Variants in FRAS1 observed in about 807,000 individuals in gnomAD.
FRAS1 encodes the protein extracellular matrix organizing protein FRAS1.
In FRAS1, 290 loss-of-function variants were observed where a neutral mutation model predicts 435.2. The ratio of observed to expected loss-of-function variants is 0.67; its 90% CI spans 0.61 to 0.73. FRAS1 has a LOEUF of 0.73. Ranked by LOEUF, FRAS1 falls within the 30% of genes least tolerant of loss-of-function variation. The pLI is 0.00. For synonymous variants in FRAS1, 1,800 were observed against 1,851.0 expected (o/e 0.97, Z 0.71); for missense variants, 4,860 against 5,001.5 (o/e 0.97, Z 0.85).
intron 4 of FRAS1, among the ~76,000 whole-genome samples, chr4:78,249,321 G>GC: frequency 8.9e-6 from 1 of 112,452 alleles, no homozygotes; most frequent in South Asian, 3.4e-4. Context: ...AAGCAGTGGA[G>GC]CCTTTTTTTT....
intron 35 of FRAS1, among the ~76,000 whole-genome samples, chr4:78,426,975 C>G (rs1251373991): frequency 6.6e-6 from 1 of 152,178 alleles, no homozygotes; most frequent in East Asian, 1.9e-4. Context: ...TACCTTTTCC[C>G]TCCTCCTGTA....
chr4:78,519,261 G>A (rs1721310646), intron 66 of FRAS1, 70 bp from the exon 67 acceptor site: 4 of 1,349,796 alleles, frequency 3.0e-6, no homozygotes, highest in African/African-American at 1.5e-5. Flanking sequence ...ATGGAACCAA[G>A]ATGTGGTGAT....
intron 29 of FRAS1, among the ~76,000 whole-genome samples, chr4:78,396,097 T>G (rs183258597): frequency 1.3e-5 from 2 of 152,236 alleles, no homozygotes; most frequent in East Asian, 3.9e-4. Flanking sequence ...GATGACTAAC[T>G]TATCTCCAAT....
rs74692282 is a variant in FRAS1, at chr4:78,530,440, C to T, written c.10925+3783C>T. ...ACTCCCCCAGGCTTAACCTTGGATC[C>T]CCTATATAGCTCCATGTGGATGCGA... On this transcript the variant is annotated intron_variant, in intron 70 of 73. Coordinates refer to ENST00000512123, the MANE Select transcript of FRAS1 (RefSeq NM_025074.7). Among the ~76,000 whole-genome samples the T allele has an allele frequency of 4.4e-3, 664 of 152,116 alleles. 6 individuals are homozygous for T. Among genetic ancestry groups the T allele is most frequent in the African/African-American group, 0.015 (620 of 41,488 alleles).
chr4:78,337,217 A>G (rs370874968), intron 19 of FRAS1, among the ~76,000 whole-genome samples: 8 of 152,284 alleles, frequency 5.3e-5, no homozygotes, highest in African/African-American at 1.9e-4. Context: ...GAGAAGTTGC[A>G]GTATAGTTTG....
At chr4:78,529,600 T>C (rs1721650597) in intron 70 of FRAS1, among the ~76,000 whole-genome samples, 1 of 152,108 alleles carries the variant, frequency 6.6e-6, no homozygotes, top group Non-Finnish European at 1.5e-5. Flanking sequence ...TAGACAGTAG[T>C]CCCCCCTTAT....
At chr4:78,384,538 C>T (rs985008102) in intron 28 of FRAS1, among the ~76,000 whole-genome samples, 6 of 152,100 alleles carry the variant, frequency 3.9e-5, no homozygotes, top group African/African-American at 1.4e-4. Context: ...GCTACAGAGG[C>T]GGTGTTCTTA....
rs562285170 is a variant in FRAS1, at chr4:78,540,932, T to C, written c.11847T>C (p.Asn3949=). 6.2e-7 allele frequency: 1 copy of C among 1,613,978 alleles called. No individual in the cohort carries two copies. Among genetic ancestry groups the C allele is most frequent in the Non-Finnish European group, 8.5e-7 (1 of 1,179,892 alleles). Residue 3949 remains asparagine, a synonymous_variant, in exon 74 of 74, where the codon AAT becomes AAC. Coordinates refer to ENST00000512123, the MANE Select transcript of FRAS1 (RefSeq NM_025074.7). ...AEDILEEYPL[N]TKVEVPKRHP... is the part of the protein sequence containing the mutation. ...ACATTTTGGAAGAATATCCTCTGAA[T>C]ACCAAGGTAGAAGTGCCCAAGAGGC...
chr4:78,169,765 A>C (rs1278645522), intron 2 of FRAS1, among the ~76,000 whole-genome samples: 1 of 78,412 alleles, frequency 1.3e-5, no homozygotes, highest in East Asian at 2.8e-4. Context: ...TCAGAGGATT[A>C]TTTTCACAAC....
chr4:78,338,347 T>C (rs1001946341), intron 20 of FRAS1, among the ~76,000 whole-genome samples: 1 of 152,096 alleles, frequency 6.6e-6, no homozygotes, highest in African/African-American at 2.4e-5. Context: ...TTGAATAATG[T>C]TGGAACCAGA....
rs1274040546 is a variant in FRAS1 at position 78,462,280 on chromosome 4, C to T, written c.6764-1741C>T. Reference sequence around the variant, plus strand: ...ATTCCAGCTACTTGGGAGACTGAGGCAGGAGAATCACTTGAACCTGGGAGG... The same window carrying T: ...ATTCCAGCTACTTGGGAGACTGAGGTAGGAGAATCACTTGAACCTGGGAGG... On this transcript the variant is annotated intron_variant, in intron 47 of 73. Transcript: ENST00000512123. 2.0e-5 allele frequency among the ~76,000 whole-genome samples: 3 copies of T among 151,988 alleles called. No individual in the cohort carries two copies. The East Asian group carries it at 5.8e-4, about 29-fold the overall frequency.
intron 70 of FRAS1, among the ~76,000 whole-genome samples, chr4:78,527,988 C>G (rs1721597200): frequency 6.6e-6 from 1 of 152,042 alleles, no homozygotes; most frequent in South Asian, 2.1e-4. Flanking sequence ...AGAGTTCATC[C>G]ACTGAAGAGG....
chr4:78,294,821 C>T lies in FRAS1; in HGVS notation c.1534+8282C>T, dbSNP rs1270344896. Among the ~76,000 whole-genome samples the T allele has an allele frequency of 2.6e-5, 4 of 151,792 alleles. No individual in the cohort carries two copies. In the South Asian group the frequency reaches 6.3e-4, roughly 24 times the overall value. ...ATCATTAGGAAAATTACCAAAATTC[C>T]CCCCAAATACCAAATGAATTTATGT... On this transcript the variant is annotated intron_variant, in intron 14 of 73. Transcript: ENST00000512123.
chr4:78,064,378 A>C (rs2109846244), intron 1 of FRAS1, among the ~76,000 whole-genome samples: 1 of 151,886 alleles, frequency 6.6e-6, no homozygotes, highest in Admixed American at 6.6e-5. Context: ...AAAGTAAAAT[A>C]ATAAGTTTGT....
intron 28 of FRAS1, among the ~76,000 whole-genome samples, chr4:78,386,770 G>A (rs1346834491): frequency 2.0e-5 from 3 of 152,070 alleles, no homozygotes; most frequent in Non-Finnish European, 4.4e-5. Context: ...ACAATCCTAA[G>A]AAAAAGATAT....
At chr4:78,431,343 C>A (rs1734211244) in intron 37 of FRAS1, among the ~76,000 whole-genome samples, 1 of 152,304 alleles carries the variant, frequency 6.6e-6, no homozygotes. Context: ...TGTCTAATTT[C>A]TTTAACATTG....
chr4:78,381,674 A>G (rs975968164), intron 27 of FRAS1, among the ~76,000 whole-genome samples: 1 of 152,222 alleles, frequency 6.6e-6, no homozygotes, highest in Non-Finnish European at 1.5e-5. Flanking sequence ...GCAGTCACTT[A>G]TGAAAAGCGT....
At chr4:78,160,203 A>G (rs1465522047) in intron 2 of FRAS1, among the ~76,000 whole-genome samples, 1 of 152,260 alleles carries the variant, frequency 6.6e-6, no homozygotes, top group Non-Finnish European at 1.5e-5. Context: ...ATGTGTTTAT[A>G]TATCCATGGA....
chr4:78,196,164 C>T (rs1055781567), intron 2 of FRAS1, among the ~76,000 whole-genome samples: 6 of 152,022 alleles, frequency 3.9e-5, no homozygotes, highest in Non-Finnish European at 5.9e-5. Flanking sequence ...CCCGCCACCA[C>T]ACCCGGCTAA....
Sources: gnomAD v4.1 joint callset for allele counts (sites outside exome capture counted in the v4.1 genomes callset) on GRCh38, gnomAD v4.1.1 for gene constraint, MANE v1.5 for transcripts, NCBI Gene and HGNC (gene_info 2026-07-23, HGNC 2026-07-21) for gene names.